FHIT: variants seen among roughly 807,000 people sequenced by gnomAD.
FHIT encodes the protein fragile histidine triad diadenosine triphosphatase, also known as bis(5'-adenosyl)-triphosphatase.
Under a neutral mutation model 17.9 loss-of-function variants are expected in FHIT, and 19 were observed. The observed-to-expected ratio is 1.06, with a 90% CI of 0.74 to 1.56. The LOEUF (loss-of-function observed/expected upper bound fraction) is 1.56. Among genes scored for constraint, FHIT ranks in the 40% most tolerant of loss-of-function variants. The pLI, the probability that FHIT is intolerant of heterozygous loss-of-function variation, is 0.00. For missense variants in FHIT, 248 were observed against 189.2 expected (o/e 1.31, Z -1.82); for synonymous variants, 81 against 69.7 (o/e 1.16, Z -0.81).
chr3:60,256,999 T>A (rs114963513), intron 5 of FHIT, among the ~76,000 whole-genome samples: 301 of 152,298 alleles, frequency 2.0e-3, no homozygotes, highest in Non-Finnish European at 2.8e-3. Context: ...ACATGCAAAT[T>A]ATTTCCTGTT....
chr3:60,544,224 T>C (rs911012327), intron 4 of FHIT, among the ~76,000 whole-genome samples: 1 of 151,970 alleles, frequency 6.6e-6, no homozygotes, highest in Non-Finnish European at 1.5e-5. Context: ...GTTCCTGACC[T>C]TAAGAGGGCT....
chr3:60,888,696 A>G (rs1705347138), intron 3 of FHIT, among the ~76,000 whole-genome samples: 1 of 152,244 alleles, frequency 6.6e-6, no homozygotes, highest in East Asian at 1.9e-4. Flanking sequence ...TTACTTGATT[A>G]CATTCAATAG....
At chr3:61,190,010 G>A (rs2107204754) in intron 2 of FHIT, among the ~76,000 whole-genome samples, 1 of 152,186 alleles carries the variant, frequency 6.6e-6, no homozygotes, top group African/African-American at 2.4e-5. Flanking sequence ...ATACCATTCA[G>A]GACATAGGCA....
chr3:60,363,873 C>G lies in FHIT; in HGVS notation c.103+172987G>C, dbSNP rs146361312. On this transcript the variant is annotated intron_variant, in intron 5 of 9. Coordinates refer to ENST00000492590, the MANE Select transcript of FHIT (RefSeq NM_002012.4). The stretch of plus-strand genomic sequence containing the variant: ...CTTGGTCCTTCCTGGAAGGTCACCT[C>G]AGTCTAGCTTCCTCAAAGGACGGTC... Among the ~76,000 whole-genome samples the G allele has an allele frequency of 2.7e-4, 41 of 152,256 alleles. No homozygotes were observed. In the East Asian group the frequency reaches 6.6e-3, roughly 24 times the overall value.
At chr3:60,524,308 T>C (rs574860364) in intron 5 of FHIT, among the ~76,000 whole-genome samples, 82 of 151,650 alleles carry the variant, frequency 5.4e-4, no homozygotes, top group African/African-American at 2.0e-3. Context: ...GTGGTAGGGG[T>C]GCAATTTTAA....
chr3:60,456,986 A>G (rs985168775), intron 5 of FHIT, among the ~76,000 whole-genome samples: 10 of 152,214 alleles, frequency 6.6e-5, no homozygotes, highest in African/African-American at 2.2e-4. Flanking sequence ...AATCAATATC[A>G]TGAAAATGGC....
At chr3:61,232,108 G>T (rs1422226357) in intron 1 of FHIT, among the ~76,000 whole-genome samples, 10 of 152,230 alleles carry the variant, frequency 6.6e-5, no homozygotes, top group African/African-American at 2.4e-4. Context: ...TGGGGGCCGG[G>T]CATGGTGGCT....
At chr3:60,059,225 C>A (rs1354228146) in intron 5 of FHIT, among the ~76,000 whole-genome samples, 1 of 152,160 alleles carries the variant, frequency 6.6e-6, no homozygotes, top group Admixed American at 6.5e-5. Flanking sequence ...CAGCAGTTTT[C>A]AGGAGTTGGG....
intron 5 of FHIT, among the ~76,000 whole-genome samples, chr3:60,306,400 G>T (rs1446830756): frequency 6.6e-6 from 1 of 152,174 alleles, no homozygotes; most frequent in Non-Finnish European, 1.5e-5. Context: ...TTGCTTTGAA[G>T]GAGTCAAGGC....
chr3:59,773,914 T>A (rs1263476568), intron 8 of FHIT, among the ~76,000 whole-genome samples: 1 of 152,214 alleles, frequency 6.6e-6, no homozygotes, highest in East Asian at 1.9e-4. Flanking sequence ...TAGGAGACAC[T>A]GTGAAAAAGA....
intron 4 of FHIT, among the ~76,000 whole-genome samples, chr3:60,768,309 A>G (rs1180672344): frequency 6.6e-6 from 1 of 152,226 alleles, no homozygotes; most frequent in Admixed American, 6.5e-5. Context: ...AATACACAGT[A>G]AGGCTTCTCA....
intron 4 of FHIT, among the ~76,000 whole-genome samples, chr3:60,655,953 G>T (rs1553689442): frequency 1.3e-5 from 2 of 152,174 alleles, no homozygotes; most frequent in East Asian, 3.9e-4. Context: ...AAAGCCTGGT[G>T]TCCATGTTAT....
At chr3:60,481,843 A>G (rs757219205) in intron 5 of FHIT, among the ~76,000 whole-genome samples, 107 of 152,196 alleles carry the variant, frequency 7.0e-4, no homozygotes, top group Non-Finnish European at 9.8e-4. Context: ...CTTAAATGTA[A>G]ATGGGTTAAA....
At chr3:60,722,621 C>G (rs1384698719) in intron 4 of FHIT, among the ~76,000 whole-genome samples, 3 of 152,016 alleles carry the variant, frequency 2.0e-5, no homozygotes, top group Non-Finnish European at 2.9e-5. Flanking sequence ...CCCCCACCCC[C>G]AGTTGTGACA....
At chr3:60,734,784 C>T (rs1323571156) in intron 4 of FHIT, among the ~76,000 whole-genome samples, 1 of 152,226 alleles carries the variant, frequency 6.6e-6, no homozygotes, top group African/African-American at 2.4e-5. Flanking sequence ...TTACCTTACC[C>T]ATTAACTTTT....
chr3:60,332,292 T>A (rs1172065922), intron 5 of FHIT, among the ~76,000 whole-genome samples: 5 of 152,168 alleles, frequency 3.3e-5, no homozygotes, highest in African/African-American at 1.2e-4. Flanking sequence ...GGCTGCAGCA[T>A]CTGTGGCACT....
At chr3:59,855,311 C>T (rs1702107667) in intron 8 of FHIT, among the ~76,000 whole-genome samples, 1 of 152,144 alleles carries the variant, frequency 6.6e-6, no homozygotes, top group East Asian at 1.9e-4. Flanking sequence ...TCCATGTTGT[C>T]CTCCCCCATT....
intron 3 of FHIT, among the ~76,000 whole-genome samples, chr3:60,904,407 G>C (rs1706281729): frequency 1.3e-5 from 2 of 150,794 alleles, no homozygotes; most frequent in African/African-American, 4.9e-5. Context: ...CAAGTATTAG[G>C]AGAAAACATG....
At chr3:60,658,185 A>G (rs1299781085) in intron 4 of FHIT, among the ~76,000 whole-genome samples, 1 of 152,144 alleles carries the variant, frequency 6.6e-6, no homozygotes, top group Non-Finnish European at 1.5e-5. Flanking sequence ...GAAATCATAC[A>G]GTATTTGTCT....
Sources: allele counts gnomAD v4.1 joint callset (sites outside exome capture counted in the v4.1 genomes callset), GRCh38; gene constraint gnomAD v4.1.1; transcripts MANE v1.5; gene names NCBI Gene and HGNC (gene_info 2026-07-23, HGNC 2026-07-21).